Variants in ELK3 observed in about 807,000 individuals in gnomAD.
The protein encoded by ELK3 is ETS domain-containing protein Elk-3.
In ELK3, 10 loss-of-function variants were observed where a neutral mutation model predicts 28.9. That is an observed-to-expected ratio of 0.35 (90% CI 0.21 to 0.59). The LOEUF is 0.59. Among genes scored for constraint, ELK3 ranks in the 20% least tolerant of loss-of-function variants. The pLI is 0.82. For missense variants in ELK3, 463 were observed against 517.3 expected (o/e 0.90, Z 1.02); for synonymous variants, 272 against 243.5 (o/e 1.12, Z -1.09).
At chr12:96,199,480 CTGTGTGTGTGTGTG>C (rs10678770) in intron 1 of ELK3, among the ~76,000 whole-genome samples, 6 of 146,382 alleles carry the variant, frequency 4.1e-5, no homozygotes, top group African/African-American at 7.6e-5. Flanking sequence ...ATAAAATTAG[CTGTGTGTGTGTGTG>C]TGTGTGTGTG....
intron 4 of ELK3, among the ~76,000 whole-genome samples, chr12:96,264,672 C>T (rs1283524640): frequency 3.3e-5 from 5 of 152,094 alleles, no homozygotes; most frequent in East Asian, 1.9e-4. Flanking sequence ...GTGGTCCCAA[C>T]TACTAGGGAG....
At position 96,239,313 on chromosome 12, in the gene ELK3, G is replaced by GT. The variant is rs371948206; in HGVS notation, c.208-7619dup. Among the ~76,000 whole-genome samples the GT allele has an allele frequency of 5.3e-3, 804 of 151,946 alleles. 3 individuals are homozygous for GT. The highest frequency in any genetic ancestry group is 0.018 in the African/African-American group (753 of 41,422). Reference sequence around the variant, plus strand: ...TTAAAATAATGGAATTATTCATACTGTTTTTTTTCCCCACCTAATGTATAT... The same window carrying GT: ...TTAAAATAATGGAATTATTCATACTGTTTTTTTTTCCCCACCTAATGTATAT... On this transcript the variant is annotated intron_variant, in intron 2 of 4. Transcript: ENST00000228741.
intron 2 of ELK3, among the ~76,000 whole-genome samples, chr12:96,227,500 A>G (rs1295794686): frequency 8.0e-6 from 1 of 124,746 alleles, no homozygotes; most frequent in African/African-American, 3.0e-5. Flanking sequence ...AGCAGAGAAA[A>G]AAGTGGAAAA....
chr12:96,194,569 GA>G lies in ELK3; in HGVS notation c.-132del. On this transcript the variant is annotated 5_prime_UTR_variant, in exon 1 of 5. Coordinates refer to ENST00000228741, the MANE Select transcript of ELK3 (RefSeq NM_005230.4). The stretch of plus-strand genomic sequence containing the variant: ...GAAAAAAAAAGAGGAGCGAGAGAAA[GA>G]AAAAAAGGGGGAAAAATCAGGATCT... 1.3e-5 allele frequency: 2 copies of G among 149,684 alleles called. No homozygotes were observed. Among genetic ancestry groups the G allele is most frequent in the Non-Finnish European group, 3.0e-5 (2 of 67,174 alleles). The allele number at this position is 149,684 out of a possible 1,614,324, so 9.3% of individuals were successfully genotyped here.
At chr12:96,262,299 G>T (rs1951999157) in intron 4 of ELK3, among the ~76,000 whole-genome samples, 1 of 152,176 alleles carries the variant, frequency 6.6e-6, no homozygotes, top group Non-Finnish European at 1.5e-5. Flanking sequence ...GATTACAGGT[G>T]TAAGCCACCG....
intron 3 of ELK3, among the ~76,000 whole-genome samples, chr12:96,248,321 G>C (rs1951875392): frequency 6.6e-6 from 1 of 152,188 alleles, no homozygotes; most frequent in Non-Finnish European, 1.5e-5. Context: ...CAGCAAACTT[G>C]CAGAGCCAAA....
chr12:96,223,662 A>G lies in ELK3; in HGVS notation c.96A>G (p.Glu32=), dbSNP rs1194214426. Residue 32 remains glutamate, a synonymous_variant, in exon 2 of 5, where the codon GAA becomes GAG. Coordinates refer to ENST00000228741, the MANE Select transcript of ELK3 (RefSeq NM_005230.4). ...TCTGCTGGACCTCGAACGATGGTGAATTCAAGCTCCTCAAAGCAGAAGAAG... is the reference window on the plus strand; with the variant it reads ...TCTGCTGGACCTCGAACGATGGTGAGTTCAAGCTCCTCAAAGCAGAAGAAG... ...HLICWTSNDG[E]FKLLKAEEVA... The G allele has an allele frequency of 6.2e-7, 1 of 1,614,196 alleles. No individual in the cohort carries two copies. The highest frequency in any genetic ancestry group is 2.2e-5 in the East Asian group (1 of 44,886).
At position 96,267,283 on chromosome 12, in the gene ELK3, A is replaced by C; in HGVS notation, c.*103A>C. ...AGAAGGACATTGTGAAACTCTTGTT[A>C]ATTTGGTTTGCACTTTTCATAACAT... On this transcript the variant is annotated 3_prime_UTR_variant, in exon 5 of 5. Coordinates refer to ENST00000228741, the MANE Select transcript of ELK3 (RefSeq NM_005230.4). 1 of 1,008,882 alleles carries C rather than the reference A, an allele frequency of 9.9e-7. No individual in the cohort carries two copies. Among genetic ancestry groups the C allele is most frequent in the Non-Finnish European group, 1.4e-6 (1 of 700,902 alleles). 62.5% of individuals were successfully genotyped at this position (1,008,882 alleles called of 1,614,324 possible).
Position 96,247,410 on chromosome 12 carries a change from G to A in ELK3, c.678G>A (p.Met226Ile), listed in dbSNP as rs28444655. The change falls in exon 3 of 5, where the codon ATG becomes ATA. Residue 226 changes from methionine to isoleucine, a missense_variant. Physicochemically the swap from Met to Ile is conservative, Grantham distance 10 (BLOSUM62 1). This residue lies in a region of ELK3 where 408 missense variants were observed against 414.8 expected (regional missense o/e 0.98). Coordinates refer to ENST00000228741, the MANE Select transcript of ELK3 (RefSeq NM_005230.4). The surrounding 1 kb of genome is among the most constrained non-coding windows in gnomAD (Gnocchi z 5.5). The part of the protein sequence containing the change: ...SSVSAKISSL[M>I]LPNAASISSA... ...TCTCGGCCAAGATCTCCTCTTTAAT[G>A]TTGCCAAACGCTGCCAGTATTTCAT... 3,529 of 1,614,076 alleles carry A rather than the reference G, an allele frequency of 2.2e-3. 8 individuals are homozygous for A. Among genetic ancestry groups the A allele is most frequent in the Non-Finnish European group, 2.8e-3 (3,330 of 1,180,044 alleles).
intron 2 of ELK3, among the ~76,000 whole-genome samples, chr12:96,234,352 C>T (rs988451894): frequency 2.6e-5 from 4 of 152,226 alleles, no homozygotes; most frequent in African/African-American, 9.6e-5. Context: ...CCACTTACGT[C>T]AGGCTGTTGC....
chr12:96,254,052 G>A (rs1330379286), intron 3 of ELK3, among the ~76,000 whole-genome samples: 2 of 152,214 alleles, frequency 1.3e-5, no homozygotes, highest in Non-Finnish European at 2.9e-5. Context: ...GAGGCTGGGC[G>A]CAGTGGCTCA....
intron 1 of ELK3, among the ~76,000 whole-genome samples, chr12:96,216,905 C>T (rs192219955): frequency 2.6e-5 from 4 of 152,330 alleles, no homozygotes; most frequent in African/African-American, 9.6e-5. Flanking sequence ...CCAGAATCTG[C>T]GCTTACCTTC....
At chr12:96,260,116 C>T (rs1381487965) in intron 4 of ELK3, among the ~76,000 whole-genome samples, 1 of 152,062 alleles carries the variant, frequency 6.6e-6, no homozygotes, top group African/African-American at 2.4e-5. Context: ...TCTATGAAAA[C>T]AGGAAATTTA....
chr12:96,255,134 G>A (rs1345384964), intron 3 of ELK3, among the ~76,000 whole-genome samples: 1 of 152,116 alleles, frequency 6.6e-6, no homozygotes, highest in Non-Finnish European at 1.5e-5. Flanking sequence ...TGGATCTGAT[G>A]TTGGGAGTGC....
chr12:96,216,515 C>T (rs1951619906), intron 1 of ELK3, among the ~76,000 whole-genome samples: 1 of 152,236 alleles, frequency 6.6e-6, no homozygotes, highest in Non-Finnish European at 1.5e-5. Context: ...GCTGAAGAGT[C>T]TCCCTGGATT....
chr12:96,244,361 T>A (rs1217789230), intron 2 of ELK3, among the ~76,000 whole-genome samples: 1 of 152,204 alleles, frequency 6.6e-6, no homozygotes, highest in African/African-American at 2.4e-5. Context: ...CTGTCATTTT[T>A]ATCACAGCCC....
chr12:96,256,309 G>A (rs1277162267), intron 3 of ELK3, among the ~76,000 whole-genome samples: 1 of 152,100 alleles, frequency 6.6e-6, no homozygotes, highest in Non-Finnish European at 1.5e-5. Context: ...GGATGCGGGT[G>A]GTAAATGGGG....
chr12:96,258,312 T>A (rs968144850), intron 3 of ELK3, among the ~76,000 whole-genome samples: 1 of 152,218 alleles, frequency 6.6e-6, no homozygotes, highest in African/African-American at 2.4e-5. Context: ...GGTCATTCAG[T>A]ATGTAGGAAA....
chr12:96,219,809 T>C (rs1951649535), intron 1 of ELK3, among the ~76,000 whole-genome samples: 1 of 152,094 alleles, frequency 6.6e-6, no homozygotes, highest in African/African-American at 2.4e-5. Context: ...CTCTGAGTAA[T>C]GTCTGGCTGC....
Sources: gnomAD v4.1 joint callset for allele counts (sites outside exome capture counted in the v4.1 genomes callset) on GRCh38, gnomAD v4.1.1 for gene constraint, gnomAD v4.1.1 regional missense constraint, Gnocchi (gnomAD v3.1) non-coding constraint, MANE v1.5 for transcripts, NCBI Gene and HGNC (gene_info 2026-07-23, HGNC 2026-07-21) for gene names.